PALM2AKAP2: variants seen among roughly 807,000 people sequenced by gnomAD.
PALM2AKAP2 encodes PALM2-AKAP2 fusion protein.
In PALM2AKAP2, 37 loss-of-function variants were observed where a neutral mutation model predicts 71.5. The observed-to-expected ratio is 0.52, with a 90% confidence interval of 0.40 to 0.68. PALM2AKAP2 has a LOEUF of 0.68. Among genes scored for constraint, PALM2AKAP2 ranks in the 30% least tolerant of loss-of-function variants. PALM2AKAP2 has a pLI of 0.00. For missense variants in PALM2AKAP2, 1,224 were observed against 1,191.8 expected, an observed-to-expected ratio of 1.03 and a Z score of -0.40; for synonymous variants, 468 against 478.8, an observed-to-expected ratio of 0.98 and a Z score of 0.29.
chr9:110,162,223 A>C, intron 3 of PALM2AKAP2, 91 bp downstream of exon 10: 1 of 1,542,316 alleles, frequency 6.5e-7, no homozygotes, highest in Non-Finnish European at 9.0e-7. Context: ...AGTTAAACGA[A>C]AATGGCAAGA....
At chr9:109,822,419 C>A (rs1828034812) in intron 1 of PALM2AKAP2, among the ~76,000 whole-genome samples, 1 of 152,008 alleles carries the variant, frequency 6.6e-6, no homozygotes. Context: ...GTGTGCATTT[C>A]TTATATGGGT....
intron 1 of PALM2AKAP2, among the ~76,000 whole-genome samples, chr9:110,088,607 C>A (rs1834625453): frequency 6.6e-6 from 1 of 151,492 alleles, no homozygotes; most frequent in South Asian, 2.1e-4. Context: ...AGGTTCCCTG[C>A]CTCTAGACCC....
chr9:109,800,612 C>T (rs78579957), intron 1 of PALM2AKAP2, among the ~76,000 whole-genome samples: 12,925 of 152,218 alleles, frequency 0.085, 1,041 homozygotes, highest in African/African-American at 0.22. Flanking sequence ...CCTTTCAACA[C>T]AATGCTACAG....
At chr9:110,004,438 C>G (rs975789770) in intron 6 of PALM2AKAP2, among the ~76,000 whole-genome samples, 17 of 152,186 alleles carry the variant, frequency 1.1e-4, no homozygotes, top group Non-Finnish European at 1.5e-4. Context: ...GGTAACCTGA[C>G]CTTTCTCTCT....
At chr9:109,939,637 T>C (rs976110537) in intron 6 of PALM2AKAP2, among the ~76,000 whole-genome samples, 16 of 152,344 alleles carry the variant, frequency 1.1e-4, no homozygotes, top group African/African-American at 3.8e-4. Context: ...CCCAAACTGC[T>C]TTTTAAAATA....
chr9:110,016,326 G>C (rs1832980089), intron 7 of PALM2AKAP2, among the ~76,000 whole-genome samples: 1 of 152,094 alleles, frequency 6.6e-6, no homozygotes, highest in Non-Finnish European at 1.5e-5. Context: ...CAATGGGCCT[G>C]TCGTAGGGTC....
chr9:109,656,964 G>A (rs7026239), intron 1 of PALM2AKAP2, among the ~76,000 whole-genome samples: 39,303 of 152,114 alleles, frequency 0.26, 5,347 homozygotes, highest in Middle Eastern at 0.35. Flanking sequence ...GAGCTAAGAG[G>A]TCCCTCCCAA....
intron 1 of PALM2AKAP2, among the ~76,000 whole-genome samples, chr9:109,749,623 A>G (rs1423542267): frequency 6.6e-6 from 1 of 151,964 alleles, no homozygotes; most frequent in Non-Finnish European, 1.5e-5. Flanking sequence ...TCTAGAATAT[A>G]CTTTATTATA....
At chr9:109,954,658 T>TAAAAAAAAAAAAA (rs56743395) in intron 6 of PALM2AKAP2, among the ~76,000 whole-genome samples, 12 of 107,896 alleles carry the variant, frequency 1.1e-4, no homozygotes, top group African/African-American at 1.7e-4. Context: ...TAAAGTATAA[T>TAAAAAAAAAAAAA]AAAAAAAAAA....
intron 3 of PALM2AKAP2, among the ~76,000 whole-genome samples, chr9:109,907,927 A>G (rs78013801): frequency 0.064 from 9,811 of 152,248 alleles, 562 homozygotes; most frequent in East Asian, 0.26. Context: ...GGTACAATTA[A>G]GTCGTCATCT....
At position 109,967,345 on chromosome 9, in the gene PALM2AKAP2, C is replaced by T. The variant is rs542774825; in HGVS notation, c.496+35317C>T. ...CTCACAGCATCGCTTCTGCCACCTT[C>T]TATGTATTAGAAGCAAGGCACTAAG... is the stretch of plus-strand genomic sequence containing the variant. On this transcript the variant is annotated intron_variant, in intron 6 of 9. Coordinates refer to the PALM2AKAP2 transcript ENST00000302798. Among the ~76,000 whole-genome samples the T allele has an allele frequency of 9.1e-4, 138 of 152,074 alleles. 1 individual carries two copies. The highest frequency in any genetic ancestry group is 3.3e-3 in the African/African-American group (135 of 41,474).
rs184546548 is a variant in PALM2AKAP2, at chr9:109,836,708, T to C, written c.46-30783T>C. Among the ~76,000 whole-genome samples, 254 of 152,312 alleles carry C rather than the reference T, an allele frequency of 1.7e-3. 1 individual carries two copies. Among genetic ancestry groups the C allele is most frequent in the Non-Finnish European group, 2.9e-3 (196 of 68,032 alleles). ...AATGACCTGATGGAGCTGAAAACCA[T>C]GGCATGAGAACTACGTGGCGAATGC... On this transcript the variant is annotated intron_variant, in intron 1 of 9. Coordinates refer to the PALM2AKAP2 transcript ENST00000302798.
At chr9:109,739,090 T>C (rs1390705022) in intron 1 of PALM2AKAP2, among the ~76,000 whole-genome samples, 2 of 152,230 alleles carry the variant, frequency 1.3e-5, no homozygotes, top group Non-Finnish European at 2.9e-5. Context: ...GGATAAGAAA[T>C]GGTTAAAATT....
intron 7 of PALM2AKAP2, among the ~76,000 whole-genome samples, chr9:110,022,628 G>A (rs1833093839): frequency 6.6e-6 from 1 of 151,110 alleles, no homozygotes; most frequent in South Asian, 2.1e-4. Flanking sequence ...TGCACAATGT[G>A]CAGGTTTGTT....
At chr9:109,782,680 T>G (rs1294303965) in intron 1 of PALM2AKAP2, among the ~76,000 whole-genome samples, 2 of 152,060 alleles carry the variant, frequency 1.3e-5, no homozygotes, top group Non-Finnish European at 2.9e-5. Flanking sequence ...ACCAATTCTC[T>G]GAGGATACTG....
intron 1 of PALM2AKAP2, among the ~76,000 whole-genome samples, chr9:109,829,985 A>G (rs1413383904): frequency 6.6e-6 from 1 of 152,232 alleles, no homozygotes; most frequent in Non-Finnish European, 1.5e-5. Context: ...CCCCAGGAGA[A>G]TATGAGGTGG....
intron 6 of PALM2AKAP2, among the ~76,000 whole-genome samples, chr9:110,001,231 T>C (rs981690588): frequency 1.3e-5 from 2 of 152,254 alleles, no homozygotes; most frequent in African/African-American, 2.4e-5. Context: ...TTTCTACATA[T>C]GGCTAGCCAG....
At chr9:109,905,568 T>C (rs1830428453) in intron 3 of PALM2AKAP2, among the ~76,000 whole-genome samples, 1 of 152,222 alleles carries the variant, frequency 6.6e-6, no homozygotes, top group African/African-American at 2.4e-5. Flanking sequence ...GGATGCAGCG[T>C]TAGATGCTGA....
At chr9:109,816,786 A>G (rs1007704285) in intron 1 of PALM2AKAP2, among the ~76,000 whole-genome samples, 2 of 152,182 alleles carry the variant, frequency 1.3e-5, no homozygotes, top group Admixed American at 6.5e-5. Context: ...AAGGGAACAG[A>G]TGAGACTTTT....
Sources: allele counts gnomAD v4.1 joint callset (sites outside exome capture counted in the v4.1 genomes callset), GRCh38; gene constraint gnomAD v4.1.1; transcripts MANE v1.5; gene names NCBI Gene and HGNC (gene_info 2026-07-23, HGNC 2026-07-21).